Variants in AGFG1 observed in about 807,000 individuals in gnomAD.
The protein encoded by AGFG1 is ArfGAP with FG repeats 1.
A neutral mutation model predicts 60.6 loss-of-function variants in AGFG1; 10 were observed. The observed-to-expected ratio is 0.16, with a 90% CI of 0.10 to 0.28. AGFG1 has a LOEUF of 0.28. Among genes scored for constraint, AGFG1 ranks in the 10% least tolerant of loss-of-function variants. AGFG1 has a pLI of 1.00. For missense variants in AGFG1, 537 were observed against 676.5 expected (o/e 0.79, Z 2.29); for synonymous variants, 247 against 242.9 (o/e 1.02, Z -0.16).
intron 1 of AGFG1, among the ~76,000 whole-genome samples, chr2:227,490,848 G>A (rs1690794120): frequency 6.6e-6 from 1 of 152,092 alleles, no homozygotes; most frequent in Non-Finnish European, 1.5e-5. Flanking sequence ...TCCTTTTAAG[G>A]CCATCCATAC....
At chr2:227,534,366 G>T (rs1692247532) in intron 7 of AGFG1, among the ~76,000 whole-genome samples, 1 of 152,060 alleles carries the variant, frequency 6.6e-6, no homozygotes, top group South Asian at 2.1e-4. Flanking sequence ...AAGTATTATT[G>T]CATGTTAAGG....
chr2:227,512,827 G>A (rs1189458650), intron 2 of AGFG1, among the ~76,000 whole-genome samples: 1 of 152,226 alleles, frequency 6.6e-6, no homozygotes, highest in East Asian at 1.9e-4. Flanking sequence ...TACAAAAGGA[G>A]GCAGGATTAC....
chr2:227,496,967 G>A (rs1250069291), intron 2 of AGFG1, among the ~76,000 whole-genome samples: 1 of 152,124 alleles, frequency 6.6e-6, no homozygotes, highest in Non-Finnish European at 1.5e-5. Context: ...AAAATTGATA[G>A]TTATTTTAGT....
chr2:227,480,024 A>G (rs1480040520), intron 1 of AGFG1, among the ~76,000 whole-genome samples: 1 of 152,262 alleles, frequency 6.6e-6, no homozygotes, highest in Non-Finnish European at 1.5e-5. Context: ...TGTAGAGGTC[A>G]TAATTATACC....
chr2:227,512,307 A>G (rs1691517353), intron 2 of AGFG1, among the ~76,000 whole-genome samples: 1 of 152,228 alleles, frequency 6.6e-6, no homozygotes, highest in Non-Finnish European at 1.5e-5. Flanking sequence ...ATGTAAATGC[A>G]AAACCATCAG....
chr2:227,486,888 C>T (rs1388206988), intron 1 of AGFG1, among the ~76,000 whole-genome samples: 1 of 152,192 alleles, frequency 6.6e-6, no homozygotes, highest in Non-Finnish European at 1.5e-5. Flanking sequence ...GTGCTACTGA[C>T]ATTTAGTGAG....
At chr2:227,511,927 A>G (rs1342519945) in intron 2 of AGFG1, among the ~76,000 whole-genome samples, 2 of 152,208 alleles carry the variant, frequency 1.3e-5, no homozygotes, top group East Asian at 3.9e-4. Context: ...TAGGCTGGAA[A>G]GAGTTTAGAA....
chr2:227,539,458 C>CA (rs1692414557), intron 10 of AGFG1, among the ~76,000 whole-genome samples: 4 of 26,224 alleles, frequency 1.5e-4, no homozygotes, highest in African/African-American at 2.3e-4. Flanking sequence ...AAACAAAAAA[C>CA]ACATGTTAAC....
Position 227,531,033 on chromosome 2 carries a change from G to A in AGFG1, c.695-58G>A, listed in dbSNP as rs142891874. 2.5e-5 allele frequency: 37 copies of A among 1,455,286 alleles called. No homozygotes were observed. The Admixed American group carries it at 4.6e-4, about 18-fold the overall frequency. The allele number at this position is 1,455,286 out of a possible 1,614,324, so 90.1% of individuals were successfully genotyped here. A position where few individuals can be genotyped will look rare whatever the true frequency, so the allele number is the denominator to read the frequency against. ...TATAATTCTTAAACTCATGTGTCAT[G>A]TATTTTCATTTATAGTTTTCATATT... On this transcript the variant is annotated intron_variant, in intron 5 of 12. Transcript: ENST00000310078.
intron 1 of AGFG1, among the ~76,000 whole-genome samples, chr2:227,476,169 A>C (rs571289400): frequency 6.6e-6 from 1 of 152,308 alleles, no homozygotes; most frequent in South Asian, 2.1e-4. Flanking sequence ...AGTTAGATGC[A>C]GTTAAACTAT....
intron 1 of AGFG1, among the ~76,000 whole-genome samples, chr2:227,490,345 G>A (rs918373651): frequency 2.0e-5 from 3 of 152,128 alleles, no homozygotes; most frequent in African/African-American, 7.2e-5. Flanking sequence ...TTGGGAGGCC[G>A]AGGCAGGTGG....
At position 227,486,836 on chromosome 2, in the gene AGFG1, C is replaced by T. The variant is rs576524177; in HGVS notation, c.168-4711C>T. On this transcript the variant is annotated intron_variant, in intron 1 of 12. Coordinates refer to ENST00000310078, the MANE Select transcript of AGFG1 (RefSeq NM_004504.5). ...GTTTTACCCTGTGGGGGATATTTGGCAGTGTCTGGAAACATTTTTGATTGT... is the reference window on the plus strand; with the variant it reads ...GTTTTACCCTGTGGGGGATATTTGGTAGTGTCTGGAAACATTTTTGATTGT... Among the ~76,000 whole-genome samples the T allele has an allele frequency of 2.6e-5, 4 of 152,234 alleles. No homozygotes were observed. In the South Asian group the frequency reaches 8.3e-4, roughly 32 times the overall value.
rs561099137 is a variant in AGFG1 at position 227,526,532 on chromosome 2, C to T, written c.694+1617C>T. On this transcript the variant is annotated intron_variant, in intron 5 of 12. Coordinates refer to ENST00000310078, the MANE Select transcript of AGFG1 (RefSeq NM_004504.5). Reference sequence around the variant, plus strand: ...GGATTACAGGCATGAGCCACTGTGCCCAGCCTCTTTTTTTTTTTTTTTTTT... The same window carrying T: ...GGATTACAGGCATGAGCCACTGTGCTCAGCCTCTTTTTTTTTTTTTTTTTT... 7.5e-5 allele frequency among the ~76,000 whole-genome samples: 11 copies of T among 147,086 alleles called. No individual in the cohort carries two copies. The South Asian group carries it at 8.7e-4, about 12-fold the overall frequency.
At chr2:227,512,068 C>T (rs1169136566) in intron 2 of AGFG1, among the ~76,000 whole-genome samples, 1 of 152,050 alleles carries the variant, frequency 6.6e-6, no homozygotes, top group African/African-American at 2.4e-5. Flanking sequence ...TTAAAGAAAC[C>T]CTAGGACAAA....
At chr2:227,516,177 C>CTT (rs1691644800) in intron 2 of AGFG1, among the ~76,000 whole-genome samples, 2 of 152,172 alleles carry the variant, frequency 1.3e-5, no homozygotes, top group Admixed American at 6.5e-5. Context: ...GGTTTTCAAA[C>CTT]TTTAGCCCAC....
intron 10 of AGFG1, 136 bp from the exon 11 acceptor site, chr2:227,551,823 A>G: frequency 7.6e-6 from 8 of 1,047,454 alleles, no homozygotes; most frequent in Non-Finnish European, 1.1e-5. Context: ...CTTTGTTGGA[A>G]TTTTGGAATT....
intron 1 of AGFG1, among the ~76,000 whole-genome samples, chr2:227,479,051 C>T (rs955233487): frequency 2.0e-5 from 3 of 152,202 alleles, no homozygotes; most frequent in Non-Finnish European, 2.9e-5. Context: ...AACTCACTCT[C>T]TCCTGAGAGA....
At chr2:227,487,025 A>G (rs1436265249) in intron 1 of AGFG1, among the ~76,000 whole-genome samples, 1 of 152,220 alleles carries the variant, frequency 6.6e-6, no homozygotes, top group Admixed American at 6.5e-5. Context: ...AGAGAAATCA[A>G]GATAAGGTGT....
In AGFG1 at chr2:227,553,715, G is replaced by A; in HGVS notation, c.1549G>A (p.Ala517Thr). Residue 517 changes from alanine (A) to threonine (T), a missense_variant, in exon 12 of 13, where the codon GCA (alanine) becomes ACA (threonine). By Grantham distance (58) the Ala-to-Thr change is moderately conservative. Around this residue, in one of 4 missense-constraint regions of AGFG1, gnomAD observed 287 missense variants for 343.6 expected, o/e 0.84. Transcript: ENST00000310078. ...TCTATTTTAACAAGGTGCAGGTTTT[G>A]CAGCATTTGGACAAACAAAGCCAGT... ...FSQQPNGAGF[A>T]AFGQTKPVVT... 6.2e-7 allele frequency: 1 copy of A among 1,613,718 alleles called. No individual in the cohort carries two copies. The highest frequency in any genetic ancestry group is 1.3e-5 in the African/African-American group (1 of 75,028).
Sources: allele counts gnomAD v4.1 joint callset (sites outside exome capture counted in the v4.1 genomes callset), GRCh38; gene constraint gnomAD v4.1.1; regional missense constraint gnomAD v4.1.1; transcripts MANE v1.5; gene names NCBI Gene and HGNC (gene_info 2026-07-23, HGNC 2026-07-21).